The following CPE variants were observed in gnomAD, a reference collection of about 807,000 sequenced individuals.
CPE encodes the protein carboxypeptidase E.
Under a neutral mutation model 53.5 loss-of-function variants are expected in CPE, and 17 were observed. The observed-to-expected ratio is 0.32, with a 90% CI of 0.22 to 0.48. The LOEUF (loss-of-function observed/expected upper bound fraction) is 0.48, where lower values mean the gene tolerates loss of function less well. Among genes scored for constraint, CPE ranks in the 20% least tolerant of loss-of-function variants. The pLI is 0.99. For synonymous variants in CPE, 226 were observed against 228.8 expected (o/e 0.99, Z 0.11); for missense variants, 524 against 614.7 (o/e 0.85, Z 1.56).
At position 165,450,960 on chromosome 4, in the gene CPE, A is replaced by G. The variant is rs528822152; in HGVS notation, c.308-13430A>G. ...TCTCTCTTTCTTTCCCCCACTCTTGATTTTGGAGGTTCCAAATGGCCTTTC... is the reference window on the plus strand; with the variant it reads ...TCTCTCTTTCTTTCCCCCACTCTTGGTTTTGGAGGTTCCAAATGGCCTTTC... On this transcript the variant is annotated intron_variant, in intron 1 of 8. Transcript: ENST00000402744. 1.4e-4 allele frequency among the ~76,000 whole-genome samples: 22 copies of G among 152,278 alleles called. No homozygotes were observed. In the South Asian group the frequency reaches 4.1e-3, roughly 29 times the overall value.
In CPE at chr4:165,464,520, C is replaced by A. The variant is rs1184574713; in HGVS notation, c.438C>A (p.Ile146=). 1 of 1,613,746 alleles carries A rather than the reference C, an allele frequency of 6.2e-7. No individual in the cohort carries two copies. ...QKGNETIVNL[I]HSTRIHIMPS... ...GGAACGAGACAATTGTCAACCTGAT[C>A]CACAGTACCCGCATTCACATCATGC... is the stretch of plus-strand genomic sequence containing the variant. The change falls in exon 2 of 9, where the codon ATC becomes ATA. Residue 146 remains isoleucine (I), a synonymous_variant. Coordinates refer to ENST00000402744, the MANE Select transcript of CPE (RefSeq NM_001873.4).
intron 6 of CPE, among the ~76,000 whole-genome samples, chr4:165,489,315 CCT>C (rs929520503): frequency 5.1e-4 from 77 of 152,148 alleles, no homozygotes; most frequent in African/African-American, 1.8e-3. Context: ...TCTTAATACT[CCT>C]TAATACAGTG....
At chr4:165,395,079 T>C (rs968545236) in intron 1 of CPE, among the ~76,000 whole-genome samples, 2 of 152,138 alleles carry the variant, frequency 1.3e-5, no homozygotes, top group Admixed American at 6.5e-5. Flanking sequence ...TCTACCGAAA[T>C]GATTAGTTGA....
intron 1 of CPE, among the ~76,000 whole-genome samples, chr4:165,401,520 C>G (rs1381589134): frequency 6.6e-6 from 1 of 152,130 alleles, no homozygotes; most frequent in African/African-American, 2.4e-5. Flanking sequence ...AATCATGAAA[C>G]CTGTCACGTA....
chr4:165,466,075 G>A (rs1182895560), intron 2 of CPE, among the ~76,000 whole-genome samples: 1 of 152,162 alleles, frequency 6.6e-6, no homozygotes, highest in Non-Finnish European at 1.5e-5. Context: ...AGCATTCTGA[G>A]AAATGCAATG....
chr4:165,390,412 T>A (rs1413626263), intron 1 of CPE, among the ~76,000 whole-genome samples: 1 of 152,202 alleles, frequency 6.6e-6, no homozygotes, highest in Non-Finnish European at 1.5e-5. Flanking sequence ...GGAGACTTCC[T>A]CCTCTGGAAG....
At chr4:165,428,402 C>T (rs1731356599) in intron 1 of CPE, among the ~76,000 whole-genome samples, 1 of 150,678 alleles carries the variant, frequency 6.6e-6, no homozygotes, top group Non-Finnish European at 1.5e-5. Context: ...TAGAAGCAAC[C>T]AAATAATTGA....
intron 1 of CPE, among the ~76,000 whole-genome samples, chr4:165,383,773 CAGATTAG>C (rs943624064): frequency 2.0e-5 from 3 of 152,090 alleles, no homozygotes; most frequent in African/African-American, 7.3e-5. Context: ...CTTTTTATAG[CAGATTAG>C]TATGTGTTAG....
At chr4:165,463,631 G>T (rs151264235) in intron 1 of CPE, among the ~76,000 whole-genome samples, 72 of 152,322 alleles carry the variant, frequency 4.7e-4, no homozygotes, top group African/African-American at 1.7e-3. Context: ...TTGAATCCTG[G>T]CTTCCCAGGC....
chr4:165,484,633 G>A (rs1732473659), intron 5 of CPE, 29 bp downstream of exon 5: 3 of 1,598,518 alleles, frequency 1.9e-6, no homozygotes, highest in Admixed American at 3.4e-5. Flanking sequence ...CTCTGATTAT[G>A]TGATTGTAGC....
chr4:165,472,327 T>C lies in CPE; in HGVS notation c.672+4472T>C, dbSNP rs552673093. On this transcript the variant is annotated intron_variant, in intron 3 of 8. Transcript: ENST00000402744. Reference sequence around the variant, plus strand: ...CCTGCCAGAGTCCTATAGCTGATTATAAAGGCCACCTTTTAAAGAGGATTA... The same window carrying C: ...CCTGCCAGAGTCCTATAGCTGATTACAAAGGCCACCTTTTAAAGAGGATTA... Among the ~76,000 whole-genome samples the C allele has an allele frequency of 3.9e-5, 6 of 152,318 alleles. No individual in the cohort carries two copies. The South Asian group carries it at 1.2e-3, about 32-fold the overall frequency.
In CPE at chr4:165,442,043, TTTTG is replaced by T. The variant is rs1560883515; in HGVS notation, c.308-22343_308-22340del. Among the ~76,000 whole-genome samples, 281 of 99,002 alleles carry T rather than the reference TTTTG, an allele frequency of 2.8e-3. 22 individuals are homozygous for T. The highest frequency in any genetic ancestry group is 9.3e-3 in the African/African-American group (182 of 19,632). 64.9% of individuals were successfully genotyped at this position (99,002 alleles called of 152,430 possible). ...AGTTTGTTTTTTTTTTTTGTTTTTTTTTTGTTTTTTTTTTTTTGAGACAGGGTCT... is the reference window on the plus strand; with the variant it reads ...AGTTTGTTTTTTTTTTTTGTTTTTTTTTTTTTTTTTTTTGAGACAGGGTCT... On this transcript the variant is annotated intron_variant, in intron 1 of 8. Transcript: ENST00000402744.
chr4:165,453,574 A>T (rs1731850502), intron 1 of CPE, among the ~76,000 whole-genome samples: 1 of 151,842 alleles, frequency 6.6e-6, no homozygotes, highest in Non-Finnish European at 1.5e-5. Context: ...TTGTAGAGAC[A>T]GGGTTTTGCC....
chr4:165,380,547 T>G (rs1038759554), intron 1 of CPE, among the ~76,000 whole-genome samples: 1 of 152,228 alleles, frequency 6.6e-6, no homozygotes, highest in African/African-American at 2.4e-5. Flanking sequence ...TAATCTGTGC[T>G]AATAATATCA....
chr4:165,456,520 CTCTTTGTTTCTCTCTT>C (rs975301392), intron 1 of CPE, among the ~76,000 whole-genome samples: 2 of 143,308 alleles, frequency 1.4e-5, no homozygotes, highest in Non-Finnish European at 3.2e-5. Context: ...TTCTTTGTTT[CTCTTTGTTTCTCTCTT>C]TCTTTGTTTC....
intron 1 of CPE, among the ~76,000 whole-genome samples, chr4:165,393,891 T>G (rs1730722983): frequency 6.6e-6 from 1 of 152,186 alleles, no homozygotes; most frequent in South Asian, 2.1e-4. Context: ...ACACTGTAAG[T>G]ACCTACAGAA....
chr4:165,484,173 A>G lies in CPE; in HGVS notation c.791-249A>G, dbSNP rs796514471. ...CTATGACTTTATTACCTTTCCCTGC[A>G]AAGCTTTCAACTCATAAGTAGAATG... On this transcript the variant is annotated intron_variant, in intron 4 of 8. Coordinates refer to ENST00000402744, the MANE Select transcript of CPE (RefSeq NM_001873.4). Among the ~76,000 whole-genome samples the G allele has an allele frequency of 4.6e-5, 7 of 152,174 alleles. No homozygotes were observed. In the South Asian group the frequency reaches 1.2e-3, roughly 27 times the overall value.
intron 1 of CPE, among the ~76,000 whole-genome samples, chr4:165,429,569 G>T (rs931065523): frequency 3.2e-4 from 48 of 152,030 alleles, no homozygotes; most frequent in Admixed American, 3.1e-3. Context: ...AGGCATGGTG[G>T]TGGGCACCTG....
At chr4:165,443,543 A>T (rs866231738) in intron 1 of CPE, among the ~76,000 whole-genome samples, 5 of 152,198 alleles carry the variant, frequency 3.3e-5, no homozygotes, top group Non-Finnish European at 7.3e-5. Flanking sequence ...CTTGGCTTGC[A>T]GATGGCCGCC....
Sources: allele counts gnomAD v4.1 joint callset (sites outside exome capture counted in the v4.1 genomes callset), GRCh38; gene constraint gnomAD v4.1.1; transcripts MANE v1.5; gene names NCBI Gene and HGNC (gene_info 2026-07-23, HGNC 2026-07-21).